PTPN4: variants seen among roughly 807,000 people sequenced by gnomAD.
The protein encoded by PTPN4 is protein tyrosine phosphatase non-receptor type 4.
Under a neutral mutation model 135.5 loss-of-function variants are expected in PTPN4, and 49 were observed. The ratio of observed to expected loss-of-function variants is 0.36; its 90% CI spans 0.29 to 0.46. The LOEUF (loss-of-function observed/expected upper bound fraction) is 0.46. Among genes scored for constraint, PTPN4 ranks in the 20% least tolerant of loss-of-function variants. PTPN4 has a pLI of 1.00. For missense variants in PTPN4, 860 were observed against 1,101.0 expected (o/e 0.78, Z 3.10); for synonymous variants, 333 against 369.9 (o/e 0.90, Z 1.14).
intron 26 of PTPN4, among the ~76,000 whole-genome samples, chr2:119,976,317 AT>A (rs1464154928): frequency 6.6e-6 from 1 of 152,102 alleles, no homozygotes; most frequent in Non-Finnish European, 1.5e-5. Flanking sequence ...TTTTAAAATA[AT>A]TTATTCTTCC....
At chr2:119,933,955 A>C (rs1440067267) in intron 14 of PTPN4, among the ~76,000 whole-genome samples, 1 of 152,210 alleles carries the variant, frequency 6.6e-6, no homozygotes, top group African/African-American at 2.4e-5. Context: ...TTGCACAAAC[A>C]GCCATTTCTC....
intron 10 of PTPN4, among the ~76,000 whole-genome samples, chr2:119,905,843 C>T (rs1678480093): frequency 6.6e-6 from 1 of 151,932 alleles, no homozygotes; most frequent in African/African-American, 2.4e-5. Context: ...GGAAATTAAA[C>T]AACACTCTCC....
At chr2:119,795,088 C>G (rs967174593) in intron 1 of PTPN4, among the ~76,000 whole-genome samples, 1 of 152,034 alleles carries the variant, frequency 6.6e-6, no homozygotes, top group African/African-American at 2.4e-5. Context: ...GAGAGGAGAC[C>G]CTGAGGTGGG....
intron 2 of PTPN4, among the ~76,000 whole-genome samples, chr2:119,829,462 C>T (rs1012243895): frequency 6.6e-6 from 1 of 152,180 alleles, no homozygotes; most frequent in East Asian, 1.9e-4. Context: ...AAACTCTAGC[C>T]ATGTGGCAGT....
intron 1 of PTPN4, among the ~76,000 whole-genome samples, chr2:119,799,692 G>A (rs986528537): frequency 1.9e-4 from 29 of 152,076 alleles, no homozygotes; most frequent in Non-Finnish European, 3.5e-4. Flanking sequence ...AATATGGTGG[G>A]GTTTATAATT....
At chr2:119,798,790 A>T (rs1190540594) in intron 1 of PTPN4, among the ~76,000 whole-genome samples, 1 of 152,204 alleles carries the variant, frequency 6.6e-6, no homozygotes, top group African/African-American at 2.4e-5. Flanking sequence ...AGGTTCTCCA[A>T]ATATACTGTT....
At chr2:119,802,680 T>C (rs116000970) in intron 1 of PTPN4, among the ~76,000 whole-genome samples, 2,276 of 152,316 alleles carry the variant, frequency 0.015, 35 homozygotes, top group Middle Eastern at 0.027. Flanking sequence ...TGTAGTTTTC[T>C]TTATGTTTTT....
chr2:119,916,413 G>T (rs570704564), intron 11 of PTPN4: 3 of 151,992 alleles, frequency 2.0e-5, no homozygotes, highest in Non-Finnish European at 4.4e-5. Flanking sequence ...CTGTTGTATT[G>T]GTCTACTACG....
chr2:119,973,655 G>GTTTTTTTTTTTTTTTGTT (rs1679569241), intron 26 of PTPN4, among the ~76,000 whole-genome samples: 1 of 38,392 alleles, frequency 2.6e-5, no homozygotes, highest in Non-Finnish European at 4.2e-5. Flanking sequence ...TTCATTTCTT[G>GTTTTTTTTTTTTTTTGTT]TTTTTTTTTT....
At chr2:119,800,165 C>T (rs191969987) in intron 1 of PTPN4, among the ~76,000 whole-genome samples, 1 of 152,260 alleles carries the variant, frequency 6.6e-6, no homozygotes, top group Non-Finnish European at 1.5e-5. Context: ...TTTTAACATT[C>T]CTCTACCTCC....
At chr2:119,967,421 C>T (rs1271582018) in intron 25 of PTPN4, among the ~76,000 whole-genome samples, 4 of 151,978 alleles carry the variant, frequency 2.6e-5, no homozygotes, top group South Asian at 2.1e-4. Context: ...TGCACTCCAG[C>T]CTGGGCGTGA....
At chr2:119,884,094 T>G (rs1007446532) in intron 8 of PTPN4, among the ~76,000 whole-genome samples, 2 of 152,210 alleles carry the variant, frequency 1.3e-5, no homozygotes, top group African/African-American at 2.4e-5. Context: ...GAGATGGGGT[T>G]TCACCGTGTT....
At chr2:119,847,569 C>T (rs781441195) in intron 2 of PTPN4, among the ~76,000 whole-genome samples, 10 of 151,904 alleles carry the variant, frequency 6.6e-5, no homozygotes, top group East Asian at 3.9e-4. Flanking sequence ...TCAGGTGATC[C>T]GCCGCCTCGG....
chr2:119,947,956 C>T (rs1044986666), intron 18 of PTPN4, among the ~76,000 whole-genome samples: 1 of 151,968 alleles, frequency 6.6e-6, no homozygotes, highest in Non-Finnish European at 1.5e-5. Flanking sequence ...ATTATAAACT[C>T]CTGGGATGTA....
chr2:119,968,115 C>A, intron 26 of PTPN4, 143 bp downstream of exon 26: 2 of 655,386 alleles, frequency 3.1e-6, no homozygotes, highest in Non-Finnish European at 4.6e-6. Context: ...CAGGGGTAAG[C>A]AAACTACTGC....
At chr2:119,963,390 A>G (rs1446297195) in intron 24 of PTPN4, among the ~76,000 whole-genome samples, 2 of 152,152 alleles carry the variant, frequency 1.3e-5, no homozygotes, top group African/African-American at 4.8e-5. Context: ...GAGACAGTGC[A>G]CCCTACTTTC....
chr2:119,956,227 A>G (rs1679279217), intron 20 of PTPN4, among the ~76,000 whole-genome samples: 1 of 147,846 alleles, frequency 6.8e-6, no homozygotes, highest in East Asian at 2.0e-4. Flanking sequence ...GTTTAAATTA[A>G]TAAACCTGAA....
At chr2:119,974,583 A>C (rs1202553507) in intron 26 of PTPN4, among the ~76,000 whole-genome samples, 1 of 152,080 alleles carries the variant, frequency 6.6e-6, no homozygotes, top group Non-Finnish European at 1.5e-5. Context: ...TTGGCTTCTG[A>C]GTCCTTTTGT....
intron 2 of PTPN4, among the ~76,000 whole-genome samples, chr2:119,826,968 C>T (rs1344581674): frequency 1.3e-5 from 2 of 152,164 alleles, no homozygotes. Flanking sequence ...TTCGAGGTTA[C>T]AGTGAACTGT....
Sources: allele counts gnomAD v4.1 joint callset (sites outside exome capture counted in the v4.1 genomes callset), GRCh38; gene constraint gnomAD v4.1.1; transcripts MANE v1.5; gene names NCBI Gene and HGNC (gene_info 2026-07-23, HGNC 2026-07-21).